Variants in INSR observed in about 807,000 individuals in gnomAD.
INSR encodes insulin receptor.
In INSR, 67 loss-of-function variants were observed where a neutral mutation model predicts 142.6. The observed-to-expected ratio is 0.47, with a 90% confidence interval of 0.39 to 0.58. INSR has a LOEUF of 0.58. INSR is among the 20% of genes least tolerant of loss of function. The pLI is 0.00. For missense variants in INSR, 1,248 were observed against 1,833.2 expected, an observed-to-expected ratio of 0.68 and a Z score of 5.83; for synonymous variants, 756 against 743.1, an observed-to-expected ratio of 1.02 and a Z score of -0.28.
chr19:7,293,879 C>A lies in INSR; in HGVS notation c.13G>T (p.Gly5Cys). ...GGCGCGGCCGCCGCCCCCCGCCGGC[C>A]CCCGGTGGCCATGGCTGCGGGAGCG... MATG[G>C]RRGAAAAPLL... Residue 5 changes from glycine to cysteine, a missense_variant, in exon 1 of 22, where the codon GGC (glycine) becomes TGC (cysteine). Gly to Cys is a radical substitution (Grantham distance 159). Coordinates refer to ENST00000302850, the MANE Select transcript of INSR (RefSeq NM_000208.4). The A allele has an allele frequency of 8.1e-7, 1 of 1,236,892 alleles. No individual in the cohort carries two copies. The highest frequency in any genetic ancestry group is 1.6e-5 in the African/African-American group (1 of 63,190). 76.6% of individuals were successfully genotyped at this position (1,236,892 alleles called of 1,614,324 possible). A position where few individuals can be genotyped will look rare whatever the true frequency, so the allele number is the denominator to read the frequency against.
chr19:7,181,715 A>G (rs1042935046), intron 3 of INSR, among the ~76,000 whole-genome samples: 1 of 151,892 alleles, frequency 6.6e-6, no homozygotes, highest in African/African-American at 2.4e-5. Context: ...GATAACAGGT[A>G]TGCATCACCA....
chr19:7,182,761 T>G (rs1974307060), intron 3 of INSR, among the ~76,000 whole-genome samples: 1 of 152,064 alleles, frequency 6.6e-6, no homozygotes, highest in African/African-American at 2.4e-5. Flanking sequence ...GAGGGAAAAA[T>G]GCCTTTTATT....
chr19:7,184,060 C>CAAAAAA (rs533682498), intron 3 of INSR, among the ~76,000 whole-genome samples: 11 of 85,096 alleles, frequency 1.3e-4, no homozygotes, highest in African/African-American at 3.9e-4. Context: ...GACTCCATCT[C>CAAAAAA]AAAAAAAAAA....
intron 11 of INSR, among the ~76,000 whole-genome samples, chr19:7,146,244 T>G (rs1402593893): frequency 6.7e-6 from 1 of 148,166 alleles, no homozygotes; most frequent in Non-Finnish European, 1.5e-5. Context: ...TTCTTTTTTT[T>G]TTTTTTTTTT....
chr19:7,154,760 C>T (rs1448884504), intron 9 of INSR, among the ~76,000 whole-genome samples: 1 of 151,762 alleles, frequency 6.6e-6, no homozygotes, highest in East Asian at 2.0e-4. Flanking sequence ...CCCGTCTCTA[C>T]TCAAAATACA....
At position 7,120,608 on chromosome 19, in the gene INSR, C is replaced by T. The variant is rs1972467926; in HGVS notation, c.3659+12G>A. The T allele has an allele frequency of 6.2e-7, 1 of 1,614,044 alleles. No individual in the cohort carries two copies. Among genetic ancestry groups the T allele is most frequent in the Non-Finnish European group, 8.5e-7 (1 of 1,179,918 alleles). ...AGCCCAGCGTCCATCCACCCATCCACACACAACTCACCACATGTCAGAAGA... is the reference window on the plus strand; with the variant it reads ...AGCCCAGCGTCCATCCACCCATCCATACACAACTCACCACATGTCAGAAGA... On this transcript the variant is annotated intron_variant, in intron 20 of 21. Coordinates refer to ENST00000302850, the MANE Select transcript of INSR (RefSeq NM_000208.4).
chr19:7,152,393 A>G (rs2352955), intron 10 of INSR: 237,307 of 318,124 alleles, frequency 0.75, 88,403 homozygotes, highest in Non-Finnish European at 0.83. Context: ...AAAAAAAAAA[A>G]AGAGAGAGAG....
intron 2 of INSR, among the ~76,000 whole-genome samples, chr19:7,212,141 G>A (rs369500229): frequency 2.3e-4 from 34 of 147,982 alleles, no homozygotes; most frequent in African/African-American, 6.4e-4. Flanking sequence ...CCACCCCGAC[G>A]TGTGACAACC....
intron 2 of INSR, among the ~76,000 whole-genome samples, chr19:7,186,120 T>C (rs546730928): frequency 1.3e-5 from 2 of 152,096 alleles, no homozygotes; most frequent in East Asian, 3.9e-4. Context: ...CGCTTGAACC[T>C]GGGAGGGGAG....
chr19:7,210,881 C>T (rs1046685705), intron 2 of INSR, among the ~76,000 whole-genome samples: 18 of 152,142 alleles, frequency 1.2e-4, no homozygotes, highest in African/African-American at 3.6e-4. Flanking sequence ...AGCCACCCAC[C>T]ACCATGCCCA....
intron 9 of INSR, 99 bp from the exon 10 acceptor site, chr19:7,153,026 C>CCA (rs1182389229): frequency 3.3e-5 from 16 of 481,726 alleles, no homozygotes; most frequent in Admixed American, 8.2e-5. Context: ...CACACACACA[C>CCA]CACACACACA....
intron 2 of INSR, among the ~76,000 whole-genome samples, chr19:7,196,559 A>T (rs1161824897): frequency 5.3e-5 from 8 of 152,210 alleles, no homozygotes; most frequent in Non-Finnish European, 1.2e-4. Flanking sequence ...TCACTCTGAC[A>T]CTTTTTTGTT....
At chr19:7,151,970 GT>G (rs574464111) in intron 10 of INSR, 2,660 of 133,024 alleles carry the variant, frequency 0.02, 76 homozygotes, top group African/African-American at 0.063. Flanking sequence ...TTTTTAAACT[GT>G]TTTTTTTTTT....
Position 7,159,200 on chromosome 19 carries a change from C to T in INSR, c.2029+3832G>A, listed in dbSNP as rs748063886. ...GATTACAGGCGTGAGCCACTGTGCCCGGTAAATCTCAACCATTTTAAGTGT... is the reference window on the plus strand; with the variant it reads ...GATTACAGGCGTGAGCCACTGTGCCTGGTAAATCTCAACCATTTTAAGTGT... On this transcript the variant is annotated intron_variant, in intron 9 of 21. Coordinates refer to ENST00000302850, the MANE Select transcript of INSR (RefSeq NM_000208.4). The surrounding 1 kb of genome is among the most constrained non-coding windows in gnomAD (Gnocchi z 4.3). Among the ~76,000 whole-genome samples the T allele has an allele frequency of 7.2e-5, 11 of 152,036 alleles. No homozygotes were observed. The highest frequency in any genetic ancestry group is 2.0e-4 in the Admixed American group (3 of 15,246).
intron 2 of INSR, among the ~76,000 whole-genome samples, chr19:7,193,295 C>T (rs2145016237): frequency 6.6e-6 from 1 of 151,956 alleles, no homozygotes; most frequent in East Asian, 2.0e-4. Context: ...GAGCGGATCA[C>T]GAGGTCAGGA....
intron 13 of INSR, among the ~76,000 whole-genome samples, chr19:7,139,816 G>A (rs114162653): frequency 0.016 from 1,831 of 114,514 alleles, 43 homozygotes; most frequent in African/African-American, 0.056. Context: ...TCTCTGTTGC[G>A]TATTCTTTTT....
In INSR at chr19:7,200,718, G is replaced by GGCATGATGAC. The variant is rs1246894828; in HGVS notation, c.653-16091_653-16082dup. On this transcript the variant is annotated intron_variant, in intron 2 of 21. Coordinates refer to ENST00000302850, the MANE Select transcript of INSR (RefSeq NM_000208.4). ...GATTAAAAAAAATAAAACTTAGCTG[G>GGCATGATGAC]GCATGATGACACATGATTGTAGTTC... Among the ~76,000 whole-genome samples the GGCATGATGAC allele has an allele frequency of 6.6e-5, 10 of 151,742 alleles. No individual in the cohort carries two copies. In the East Asian group the frequency reaches 1.9e-3, roughly 29 times the overall value.
At chr19:7,214,611 G>T (rs1350826251) in intron 2 of INSR, among the ~76,000 whole-genome samples, 1 of 152,128 alleles carries the variant, frequency 6.6e-6, no homozygotes, top group Non-Finnish European at 1.5e-5. Context: ...TATCATCGCT[G>T]CAGCCCAAGG....
At chr19:7,167,942 A>G (rs1271821832) in intron 7 of INSR, 26 bp downstream of exon 7, 2 of 1,613,696 alleles carry the variant, frequency 1.2e-6, no homozygotes, top group African/African-American at 1.3e-5. Flanking sequence ...TCGCCTCCTC[A>G]GCGTCTCTCT....
Sources: allele counts gnomAD v4.1 joint callset (sites outside exome capture counted in the v4.1 genomes callset), GRCh38; gene constraint gnomAD v4.1.1; non-coding constraint Gnocchi (gnomAD v3.1); transcripts MANE v1.5; gene names NCBI Gene and HGNC (gene_info 2026-07-23, HGNC 2026-07-21).